The following ERI1 variants were observed in gnomAD, a reference collection of about 807,000 sequenced individuals.
ERI1 encodes exoribonuclease 1.
A neutral mutation model predicts 39.7 loss-of-function variants in ERI1; 39 were observed. That is an observed-to-expected ratio of 0.98 (90% CI 0.76 to 1.28). ERI1 has a LOEUF of 1.28. ERI1 is among the 50% of genes most tolerant of loss of function. The pLI is 0.00. For synonymous variants in ERI1, 204 were observed against 149.6 expected, an observed-to-expected ratio of 1.36 and a Z score of -2.65; for missense variants, 581 against 416.9, an observed-to-expected ratio of 1.39 and a Z score of -3.43.
chr8:9,086,485 G>C (rs1359502366), intron 3 of ERI1, among the ~76,000 whole-genome samples: 1 of 152,154 alleles, frequency 6.6e-6, no homozygotes, highest in Non-Finnish European at 1.5e-5. Context: ...GGGAGGTCGA[G>C]GCTGCAGCAA....
Position 9,011,536 on chromosome 8 carries a change from A to T in ERI1, c.288-6A>T, listed in dbSNP as rs760928955. On this transcript the variant is annotated splice_polypyrimidine_tract_variant and splice_region_variant and intron_variant, in intron 2 of 6. Coordinates refer to ENST00000250263, the MANE Select transcript of ERI1 (RefSeq NM_153332.4). ...TAAGTGTAACTAGTCTTCTTCTTCT[A>T]CTTAGAGGAGTAAAGGATGTTCTAA... 1.3e-6 allele frequency: 2 copies of T among 1,584,564 alleles called. No individual in the cohort carries two copies. Among genetic ancestry groups the T allele is most frequent in the African/African-American group, 1.4e-5 (1 of 73,530 alleles).
At chr8:9,094,583 A>C (rs1392782862) in intron 3 of ERI1, among the ~76,000 whole-genome samples, 1 of 152,142 alleles carries the variant, frequency 6.6e-6, no homozygotes, top group South Asian at 2.1e-4. Context: ...CAGCAACCCA[A>C]CTGCTCAGAA....
chr8:9,099,741 T>G (rs1275905635), intron 3 of ERI1: 1 of 152,252 alleles, frequency 6.6e-6, no homozygotes, highest in Non-Finnish European at 1.5e-5. Context: ...TTATTTATCC[T>G]TTTACCTATC....
chr8:9,021,323 A>C (rs774234577), intron 6 of ERI1, among the ~76,000 whole-genome samples: 1 of 152,088 alleles, frequency 6.6e-6, no homozygotes, highest in African/African-American at 2.4e-5. Flanking sequence ...TGGAGCCTTT[A>C]ATCCTGTTCT....
At chr8:9,069,528 A>G (rs1363728424) in intron 3 of ERI1, among the ~76,000 whole-genome samples, 1 of 152,198 alleles carries the variant, frequency 6.6e-6, no homozygotes, top group Non-Finnish European at 1.5e-5. Context: ...AGGTATTTTG[A>G]GAAGTATAAA....
rs534140745 is a variant in ERI1 at position 9,003,001 on chromosome 8, T to G, written c.-63T>G. 5.2e-4 allele frequency: 570 copies of G among 1,091,468 alleles called. No individual in the cohort carries two copies. Among genetic ancestry groups the G allele is most frequent in the Non-Finnish European group, 6.1e-4 (516 of 850,216 alleles). 67.6% of individuals were successfully genotyped at this position (1,091,468 alleles called of 1,614,324 possible). ...ACGGAGAAAGGCGAGGCTTTCGGGC[T>G]CTGCAGAGTGAGAGTTAGCAAGTGT... On this transcript the variant is annotated 5_prime_UTR_variant, in exon 1 of 7. Coordinates refer to ENST00000250263, the MANE Select transcript of ERI1 (RefSeq NM_153332.4).
At chr8:9,068,189 A>G (rs1798941484) in intron 3 of ERI1, among the ~76,000 whole-genome samples, 1 of 152,208 alleles carries the variant, frequency 6.6e-6, no homozygotes, top group Admixed American at 6.5e-5. Context: ...AAATAGTATT[A>G]TATACAATTG....
chr8:9,049,855 G>A (rs921706121), intron 3 of ERI1: 7 of 152,290 alleles, frequency 4.6e-5, no homozygotes, highest in Non-Finnish European at 8.8e-5. Context: ...CCGCAGGTGA[G>A]GAGAGAGGGA....
intron 3 of ERI1, among the ~76,000 whole-genome samples, chr8:9,056,071 C>T (rs959595415): frequency 1.3e-5 from 2 of 152,226 alleles, no homozygotes; most frequent in Non-Finnish European, 2.9e-5. Context: ...CATACACATC[C>T]CTCAGAAGCT....
intron 3 of ERI1, among the ~76,000 whole-genome samples, chr8:9,076,863 A>G (rs968623850): frequency 6.6e-6 from 1 of 152,230 alleles, no homozygotes; most frequent in Non-Finnish European, 1.5e-5. Context: ...GAGCTGCCCC[A>G]CCTTTGAAGG....
At chr8:9,078,870 A>G (rs541377961) in intron 3 of ERI1, among the ~76,000 whole-genome samples, 3 of 152,278 alleles carry the variant, frequency 2.0e-5, no homozygotes, top group South Asian at 4.1e-4. Context: ...CTACAGGGGC[A>G]TTATGGGATC....
intron 3 of ERI1, among the ~76,000 whole-genome samples, chr8:9,013,839 A>C (rs1246609670): frequency 6.6e-6 from 1 of 152,136 alleles, no homozygotes; most frequent in African/African-American, 2.4e-5. Context: ...CAGGTCATCA[A>C]TGATTCCTGT....
intron 5 of ERI1, among the ~76,000 whole-genome samples, chr8:9,019,444 G>A (rs897388335): frequency 1.3e-5 from 2 of 152,190 alleles, no homozygotes; most frequent in Non-Finnish European, 1.5e-5. Flanking sequence ...GCAGTGCTCT[G>A]CTAAAGTATA....
At chr8:9,065,383 C>G (rs1233389339) in intron 3 of ERI1, among the ~76,000 whole-genome samples, 4 of 152,118 alleles carry the variant, frequency 2.6e-5, no homozygotes, top group Admixed American at 1.3e-4. Context: ...CTGGTTTGAT[C>G]ACCTGAGATC....
intron 3 of ERI1, among the ~76,000 whole-genome samples, chr8:9,059,949 G>A (rs545644326): frequency 6.6e-6 from 1 of 152,292 alleles, no homozygotes; most frequent in South Asian, 2.1e-4. Context: ...AAAAAGGAGC[G>A]TCCATACAGG....
intron 3 of ERI1, among the ~76,000 whole-genome samples, chr8:9,069,892 T>C (rs1798995089): frequency 6.6e-6 from 1 of 152,242 alleles, no homozygotes; most frequent in Admixed American, 6.5e-5. Context: ...TTGCAGGTTT[T>C]AGAAAGTCGC....
At chr8:9,060,234 C>G (rs1187131595) in intron 3 of ERI1, among the ~76,000 whole-genome samples, 3 of 152,208 alleles carry the variant, frequency 2.0e-5, no homozygotes, top group African/African-American at 4.8e-5. Context: ...GTGGGAAGGC[C>G]AAACCGAGGA....
chr8:9,021,567 A>G (rs942271779), intron 6 of ERI1, among the ~76,000 whole-genome samples: 1 of 152,162 alleles, frequency 6.6e-6, no homozygotes, highest in African/African-American at 2.4e-5. Flanking sequence ...GCCGATTGCT[A>G]TAAAGCAAAT....
intron 3 of ERI1, among the ~76,000 whole-genome samples, chr8:9,084,591 G>A (rs918826056): frequency 2.0e-5 from 3 of 152,170 alleles, no homozygotes; most frequent in African/African-American, 7.2e-5. Context: ...ATTTTGACTA[G>A]GACTCGGGCT....
Sources: allele counts gnomAD v4.1 joint callset (sites outside exome capture counted in the v4.1 genomes callset), GRCh38; gene constraint gnomAD v4.1.1; transcripts MANE v1.5; gene names NCBI Gene and HGNC (gene_info 2026-07-23, HGNC 2026-07-21).